Variants in DRC9 observed in about 807,000 individuals in gnomAD.
The protein encoded by DRC9 is dynein regulatory complex protein 9.
chr3:197,908,192 C>G, the DRC9 span, among the ~76,000 whole-genome samples: 1 of 150,196 alleles, frequency 6.7e-6, no homozygotes, highest in African/African-American at 2.5e-5. Context: ...CGATCCCTTT[C>G]CAAGGCACCC....
At chr3:197,951,005 T>A in the DRC9 span, 3 of 1,611,360 alleles carry the variant, frequency 1.9e-6, no homozygotes, top group Non-Finnish European at 1.7e-6. Flanking sequence ...TAGTTCTTTA[T>A]TTTTGTGTGT....
the DRC9 span, among the ~76,000 whole-genome samples, chr3:197,942,639 T>C: frequency 1.4e-4 from 21 of 152,012 alleles, no homozygotes; most frequent in Non-Finnish European, 2.6e-4. Context: ...TCTTCTGGGC[T>C]GGGTGTGGTG....
At chr3:197,956,605 G>GCAT in the DRC9 span, 1 of 150,088 alleles carries the variant, frequency 6.7e-6, no homozygotes, top group Middle Eastern at 3.2e-3. Flanking sequence ...AACAACTAAG[G>GCAT]CATCAGTTTT....
the DRC9 span, chr3:197,912,594 T>C: frequency 9.8e-7 from 1 of 1,021,268 alleles, no homozygotes; most frequent in African/African-American, 1.6e-5. Flanking sequence ...TTGGTTTTCC[T>C]TCAAAATATT....
At chr3:197,899,688 T>C in the DRC9 span, among the ~76,000 whole-genome samples, 1 of 151,698 alleles carries the variant, frequency 6.6e-6, no homozygotes, top group South Asian at 2.1e-4. Context: ...AGAAAGAAAA[T>C]GCAGCAGAGG....
chr3:197,924,435 G>A, the DRC9 span, among the ~76,000 whole-genome samples: 767 of 152,300 alleles, frequency 5.0e-3, 1 homozygote, highest in Middle Eastern at 0.017. Context: ...TCTATGTAGG[G>A]AATAACGAAA....
At chr3:197,901,689 T>C in the DRC9 span, among the ~76,000 whole-genome samples, 442 of 152,376 alleles carry the variant, frequency 2.9e-3, 2 homozygotes, top group African/African-American at 9.9e-3. This position sits in a 1 kb window ranked among gnomAD's most constrained non-coding sequence, Gnocchi z 4.4. Context: ...TCTTGTGGCT[T>C]GAAGGCCAGC....
the DRC9 span, among the ~76,000 whole-genome samples, chr3:197,910,576 C>T: frequency 2.0e-5 from 3 of 152,190 alleles, no homozygotes; most frequent in African/African-American, 7.2e-5. Flanking sequence ...TCTTTAACCA[C>T]ACATTTGGAA....
the DRC9 span, among the ~76,000 whole-genome samples, chr3:197,919,464 C>T: frequency 1.3e-5 from 2 of 152,178 alleles, no homozygotes; most frequent in Non-Finnish European, 2.9e-5. Flanking sequence ...ACCTCGAATC[C>T]GAGTTGTCCA....
the DRC9 span, among the ~76,000 whole-genome samples, chr3:197,918,223 G>A: frequency 2.1e-5 from 3 of 141,308 alleles, no homozygotes; most frequent in Admixed American, 7.3e-5. Context: ...CTACATGTAC[G>A]TGCTACCACG....
the DRC9 span, among the ~76,000 whole-genome samples, chr3:197,899,147 G>A: frequency 1.3e-5 from 2 of 152,080 alleles, no homozygotes; most frequent in African/African-American, 2.4e-5. Flanking sequence ...AGTTGAAAAG[G>A]TAGCCAAATA....
At chr3:197,920,604 T>A in the DRC9 span, among the ~76,000 whole-genome samples, 8 of 152,132 alleles carry the variant, frequency 5.3e-5, no homozygotes, top group Admixed American at 5.2e-4. Context: ...GCATGTGTTT[T>A]ACTATTGTTT....
chr3:197,955,825 G>C, the DRC9 span: 2 of 1,449,260 alleles, frequency 1.4e-6, no homozygotes, highest in Non-Finnish European at 1.9e-6. Flanking sequence ...GTATTTTTAA[G>C]TGGATTAAAA....
At chr3:197,929,343 T>C in the DRC9 span, among the ~76,000 whole-genome samples, 18 of 152,340 alleles carry the variant, frequency 1.2e-4, no homozygotes, top group East Asian at 2.7e-3. The surrounding 1 kb of genome is among the most constrained non-coding windows in gnomAD (Gnocchi z 4.6). Context: ...TGTACTTTTC[T>C]TTTCTGCCCA....
At chr3:197,904,073 TATATATATACATAC>T in the DRC9 span, among the ~76,000 whole-genome samples, 19 of 31,732 alleles carry the variant, frequency 6.0e-4, no homozygotes, top group South Asian at 3.1e-3. Flanking sequence ...TATACATACA[TATATATATACATAC>T]ATATATATAT....
chr3:197,912,979 C>T, the DRC9 span: 3 of 501,312 alleles, frequency 6.0e-6, no homozygotes, highest in Non-Finnish European at 1.1e-5. Flanking sequence ...GTGAGCTGAA[C>T]AGAGGTGCCC....
chr3:197,959,243 ATTG>A, the DRC9 span: 1 of 152,118 alleles, frequency 6.6e-6, no homozygotes, highest in Non-Finnish European at 1.5e-5. Flanking sequence ...GCATAACACT[ATTG>A]TTACAGCCAG....
At chr3:197,933,056 C>T in the DRC9 span, among the ~76,000 whole-genome samples, 1 of 73,090 alleles carries the variant, frequency 1.4e-5, no homozygotes. Flanking sequence ...ATATAAAATA[C>T]ATATATTATA....
chr3:197,905,520 G>T, the DRC9 span, among the ~76,000 whole-genome samples: 4 of 152,124 alleles, frequency 2.6e-5, no homozygotes, highest in Non-Finnish European at 5.9e-5. Context: ...GCTGAGGCGG[G>T]TGGATCACCT....
Sources: gnomAD v4.1 joint callset for allele counts (sites outside exome capture counted in the v4.1 genomes callset) on GRCh38, gnomAD v4.1.1 for gene constraint, Gnocchi (gnomAD v3.1) non-coding constraint, MANE v1.5 for transcripts, NCBI Gene and HGNC (gene_info 2026-07-23, HGNC 2026-07-21) for gene names.